The following CYP2C19 variants were observed in gnomAD, a reference collection of about 807,000 sequenced individuals.
The protein encoded by CYP2C19 is cytochrome P450 2C19.
CYP2C19 carries 59 observed loss-of-function variants against 40.9 expected under a neutral mutation model. The ratio of observed to expected loss-of-function variants is 1.44; its 90% CI spans 1.17 to 1.79. The LOEUF (loss-of-function observed/expected upper bound fraction) is 1.79, where lower values mean the gene tolerates loss of function less well. Among genes scored for constraint, CYP2C19 ranks in the 40% most tolerant of loss-of-function variants. The pLI is 0.00. For missense variants in CYP2C19, 754 were observed against 596.9 expected (o/e 1.26, Z -2.74); for synonymous variants, 253 against 208.7 (o/e 1.21, Z -1.83).
rs186244872 is a variant in CYP2C19, at chr10:94,820,217, A to G, written c.820-279A>G. 4.1e-3 allele frequency among the ~76,000 whole-genome samples: 622 copies of G among 152,118 alleles called. 5 individuals are homozygous for G. Among genetic ancestry groups the G allele is most frequent in the African/African-American group, 0.014 (594 of 41,442 alleles). ...CCTTCATGCTAAAAACTCTCAATAA[A>G]TTAGGTATTGATGGGATGTATTTCA... On this transcript the variant is annotated intron_variant, in intron 5 of 8. Transcript: ENST00000371321.
At chr10:94,775,937 C>T (rs908971214) in intron 3 of CYP2C19, 4 of 243,798 alleles carry the variant, frequency 1.6e-5, no homozygotes, top group South Asian at 5.9e-5. Flanking sequence ...CCCTATCACA[C>T]CCCTAGGGAG....
At chr10:94,836,055 A>T (rs1217639846) in intron 6 of CYP2C19, among the ~76,000 whole-genome samples, 1 of 152,144 alleles carries the variant, frequency 6.6e-6, no homozygotes, top group East Asian at 1.9e-4. Context: ...TCTTTTCTTT[A>T]TTATTTGGAA....
Position 94,849,976 on chromosome 10 carries a change from C to T in CYP2C19, c.1209C>T (p.Asn403=), listed in dbSNP as rs1849627857. 18 of 1,613,752 alleles carry T rather than the reference C, an allele frequency of 1.1e-5. No individual in the cohort carries two copies. The highest frequency in any genetic ancestry group is 1.4e-5 in the Non-Finnish European group (17 of 1,179,790). The stretch of plus-strand genomic sequence containing the variant: ...TACATGACAACAAAGAATTTCCCAA[C>T]CCAGAGATGTTTGACCCTCGTCACT... ...SVLHDNKEFP[N]PEMFDPRHFL... is the part of the protein sequence containing the mutation. Residue 403 remains asparagine (N), a synonymous_variant, in exon 8 of 9, where the codon AAC becomes AAT. Coordinates refer to ENST00000371321, the MANE Select transcript of CYP2C19 (RefSeq NM_000769.4).
intron 5 of CYP2C19, among the ~76,000 whole-genome samples, chr10:94,815,572 T>A (rs1186271494): frequency 1.3e-5 from 2 of 152,234 alleles, no homozygotes; most frequent in Admixed American, 1.3e-4. Context: ...AGTCTTGGCA[T>A]ATGCCTTACC....
At chr10:94,766,101 C>A (rs1848238553) in intron 1 of CYP2C19, among the ~76,000 whole-genome samples, 2 of 152,056 alleles carry the variant, frequency 1.3e-5, no homozygotes, top group South Asian at 4.1e-4. Context: ...TGGAAAGGGT[C>A]TTTTCCGTCA....
chr10:94,842,002 G>C (rs1271343059), intron 6 of CYP2C19, among the ~76,000 whole-genome samples: 1 of 152,126 alleles, frequency 6.6e-6, no homozygotes, highest in Admixed American at 6.5e-5. Context: ...ATATCTATTA[G>C]ACCCATTTGG....
chr10:94,808,268 AT>A (rs1473956603), intron 5 of CYP2C19, among the ~76,000 whole-genome samples: 2 of 150,082 alleles, frequency 1.3e-5, no homozygotes, highest in Non-Finnish European at 3.0e-5. Context: ...GATATTATAG[AT>A]TTATAGTAAT....
intron 6 of CYP2C19, among the ~76,000 whole-genome samples, chr10:94,828,157 G>A (rs527243864): frequency 6.6e-6 from 1 of 152,236 alleles, no homozygotes; most frequent in South Asian, 2.1e-4. Flanking sequence ...GGGGTGGAGA[G>A]TTCTGTAGAT....
Position 94,843,041 on chromosome 10 carries a change from T to C in CYP2C19, c.1149+17T>C, listed in dbSNP as rs1206732059. On this transcript the variant is annotated intron_variant, in intron 7 of 8. Coordinates refer to ENST00000371321, the MANE Select transcript of CYP2C19 (RefSeq NM_000769.4). The stretch of plus-strand genomic sequence containing the variant: ...ATTCCCAAGGTAAGTTTGTTTCTCC[T>C]ACACTGCAACTCCATGTTCTTTTAT... The C allele has an allele frequency of 1.2e-6, 2 of 1,612,876 alleles. No homozygotes were observed. The highest frequency in any genetic ancestry group is 1.7e-5 in the Admixed American group (1 of 60,010).
chr10:94,780,374 C>A, intron 3 of CYP2C19, 125 bp from the exon 4 acceptor site: 1 of 1,261,704 alleles, frequency 7.9e-7, no homozygotes, highest in Non-Finnish European at 1.1e-6. Context: ...CTCTTTTTTG[C>A]TTTTAAGGGA....
intron 5 of CYP2C19, among the ~76,000 whole-genome samples, chr10:94,796,976 C>A (rs1325989302): frequency 6.6e-6 from 1 of 152,008 alleles, no homozygotes; most frequent in Non-Finnish European, 1.5e-5. Flanking sequence ...AATTGATTAC[C>A]CTTAATTTCT....
At chr10:94,782,410 A>T (rs1403159220) in intron 5 of CYP2C19, among the ~76,000 whole-genome samples, 2 of 152,144 alleles carry the variant, frequency 1.3e-5, no homozygotes, top group Non-Finnish European at 2.9e-5. Context: ...CAACAATGAG[A>T]TACCATCTCA....
chr10:94,779,030 G>A (rs1406481820), intron 3 of CYP2C19, among the ~76,000 whole-genome samples: 1 of 152,072 alleles, frequency 6.6e-6, no homozygotes, highest in Non-Finnish European at 1.5e-5. Flanking sequence ...ACCAAACACT[G>A]CATGTTCTCA....
At chr10:94,780,380 A>G in intron 3 of CYP2C19, 119 bp from the exon 4 acceptor site, 1 of 1,322,910 alleles carries the variant, frequency 7.6e-7, no homozygotes, top group Non-Finnish European at 1.0e-6. Context: ...TTTGCTTTTA[A>G]GGGAATTCAT....
chr10:94,810,806 C>T (rs2134259886), intron 5 of CYP2C19, among the ~76,000 whole-genome samples: 1 of 152,088 alleles, frequency 6.6e-6, no homozygotes, highest in South Asian at 2.1e-4. Context: ...GGCTAGCAGC[C>T]TATTTTGTTA....
chr10:94,823,248 A>G (rs536834626), intron 6 of CYP2C19, among the ~76,000 whole-genome samples: 1 of 152,296 alleles, frequency 6.6e-6, no homozygotes, highest in African/African-American at 2.4e-5. Context: ...TAGGTTTCCT[A>G]CACAACTCTT....
intron 5 of CYP2C19, among the ~76,000 whole-genome samples, chr10:94,811,040 A>G (rs894261753): frequency 3.3e-5 from 5 of 152,276 alleles, no homozygotes; most frequent in African/African-American, 9.6e-5. Context: ...TTTTCCCTCT[A>G]AACACTGCTT....
chr10:94,803,113 T>C (rs189907104), intron 5 of CYP2C19, among the ~76,000 whole-genome samples: 55 of 152,316 alleles, frequency 3.6e-4, no homozygotes, highest in African/African-American at 1.2e-3. Context: ...GGTCTTTTGG[T>C]GGTTTTACAA....
chr10:94,794,868 T>C (rs911421810), intron 5 of CYP2C19, among the ~76,000 whole-genome samples: 1 of 152,098 alleles, frequency 6.6e-6, no homozygotes, highest in Non-Finnish European at 1.5e-5. Flanking sequence ...TTTAACTTCC[T>C]CTTTTCCTAA....
Sources: gnomAD v4.1 joint callset for allele counts (sites outside exome capture counted in the v4.1 genomes callset) on GRCh38, gnomAD v4.1.1 for gene constraint, MANE v1.5 for transcripts, NCBI Gene and HGNC (gene_info 2026-07-23, HGNC 2026-07-21) for gene names.